The following DDA1 variants were observed in gnomAD, a reference collection of about 807,000 sequenced individuals.
The protein encoded by DDA1 is DET1- and DDB1-associated protein 1.
A neutral mutation model predicts 18.6 loss-of-function variants in DDA1; 3 were observed. The observed-to-expected ratio is 0.16, with a 90% confidence interval of 0.07 to 0.42. The LOEUF is 0.42. Ranked by LOEUF, DDA1 falls within the 10% of genes least tolerant of loss-of-function variation. The pLI, the probability that DDA1 is intolerant of heterozygous loss-of-function variation, is 0.99. For synonymous variants in DDA1, 52 were observed against 54.0 expected, an observed-to-expected ratio of 0.96 and a Z score of 0.17; for missense variants, 105 against 138.2, an observed-to-expected ratio of 0.76 and a Z score of 1.20.
chr19:17,313,872 T>C, intron 1 of DDA1, 151 bp from the exon 2 acceptor site: 1 of 645,910 alleles, frequency 1.5e-6, no homozygotes, highest in Non-Finnish European at 2.8e-6. Context: ...GTCCCGACAG[T>C]GTATCCAGCA....
In DDA1 at chr19:17,316,007, A is replaced by G. The variant is rs2145675921; in HGVS notation, c.198+12A>G. 6.2e-7 allele frequency: 1 copy of G among 1,614,058 alleles called. No individual in the cohort carries two copies. The highest frequency in any genetic ancestry group is 1.7e-5 in the Admixed American group (1 of 60,024). On this transcript the variant is annotated intron_variant, in intron 4 of 4. Coordinates refer to ENST00000359866, the MANE Select transcript of DDA1 (RefSeq NM_024050.6). ...AATGGGACAAAAAGGTGAGGCCCACAGGGCTCTGGTGCAGGGATTGTGGGT... is the reference window on the plus strand; with the variant it reads ...AATGGGACAAAAAGGTGAGGCCCACGGGGCTCTGGTGCAGGGATTGTGGGT...
intron 1 of DDA1, 103 bp downstream of exon 1, chr19:17,309,760 G>C: frequency 7.1e-7 from 1 of 1,415,430 alleles, no homozygotes; most frequent in Non-Finnish European, 9.5e-7. Flanking sequence ...CGTTCTGCCC[G>C]GTCCCCTCAG....
At chr19:17,310,755 G>A (rs990766196) in intron 1 of DDA1, among the ~76,000 whole-genome samples, 8 of 151,602 alleles carry the variant, frequency 5.3e-5, no homozygotes, top group African/African-American at 1.9e-4. Context: ...CCTTGGTACA[G>A]TCTCATCCCT....
At chr19:17,311,497 TAG>T (rs1358887206) in intron 1 of DDA1, among the ~76,000 whole-genome samples, 1 of 152,186 alleles carries the variant, frequency 6.6e-6, no homozygotes, top group Non-Finnish European at 1.5e-5. Flanking sequence ...TACCACTTTC[TAG>T]CCTATAAAAT....
At chr19:17,311,044 TGGG>T (rs2074176365) in intron 1 of DDA1, among the ~76,000 whole-genome samples, 1 of 152,086 alleles carries the variant, frequency 6.6e-6, no homozygotes, top group Non-Finnish European at 1.5e-5. Flanking sequence ...TTTGGAGAGA[TGGG>T]GATTCCCTAT....
intron 1 of DDA1, chr19:17,310,169 G>T (rs983454687): frequency 6.3e-6 from 1 of 157,886 alleles, no homozygotes; most frequent in East Asian, 1.9e-4. Context: ...GCCCTTACCC[G>T]CCTCTAAGAA....
At position 17,319,665 on chromosome 19, in the gene DDA1, A is replaced by G; in HGVS notation, c.*9A>G. ...TGCACGAGGACACTTAAGACTCTCA[A>G]CTCCACAGGCGCCTCCTGCCAGGTC... On this transcript the variant is annotated 3_prime_UTR_variant, in exon 5 of 5. Transcript: ENST00000359866. 2 of 1,555,778 alleles carry G rather than the reference A, an allele frequency of 1.3e-6. No individual in the cohort carries two copies. The highest frequency in any genetic ancestry group is 1.7e-6 in the Non-Finnish European group (2 of 1,149,488).
At chr19:17,309,769 A>G (rs2074169860) in intron 1 of DDA1, 112 bp downstream of exon 1, 1 of 1,378,412 alleles carries the variant, frequency 7.3e-7, no homozygotes, top group Admixed American at 2.4e-5. Context: ...CGGTCCCCTC[A>G]GGTCCGGCCC....
chr19:17,310,492 G>A (rs2074174149), intron 1 of DDA1, among the ~76,000 whole-genome samples: 1 of 152,140 alleles, frequency 6.6e-6, no homozygotes, highest in African/African-American at 2.4e-5. Flanking sequence ...AAGTGGGATG[G>A]TGACCCACCC....
chr19:17,309,813 G>T (rs943200353), intron 1 of DDA1, among the ~76,000 whole-genome samples, 156 bp downstream of exon 1: 74 of 151,266 alleles, frequency 4.9e-4, no homozygotes, highest in African/African-American at 1.7e-3. Context: ...TTCGACCCCC[G>T]GACCCTACCG....
rs1857398111 is a variant in DDA1 at position 17,315,194 on chromosome 19, CGTG to C, written c.137-739_137-737del. Reference sequence around the variant, plus strand: ...ATATACACACACGTGTATACACACACGTGTATACACACGTGTATATACACACAC... The same window carrying C: ...ATATACACACACGTGTATACACACACTATACACACGTGTATATACACACAC... On this transcript the variant is annotated intron_variant, in intron 3 of 4. Coordinates refer to ENST00000359866, the MANE Select transcript of DDA1 (RefSeq NM_024050.6). Among the ~76,000 whole-genome samples, 2 of 20,098 alleles carry C rather than the reference CGTG, an allele frequency of 1.0e-4. 1 individual carries two copies. The highest frequency in any genetic ancestry group is 1.0e-3 in the African/African-American group (2 of 1,916). The allele number at this position is 20,098 out of a possible 152,430, so 13.2% of individuals were successfully genotyped here.
intron 1 of DDA1, among the ~76,000 whole-genome samples, chr19:17,311,269 C>T (rs990036664): frequency 1.3e-5 from 2 of 151,708 alleles, no homozygotes; most frequent in East Asian, 1.9e-4. Context: ...GGGTTCAAGC[C>T]ATTCTCCTGC....
intron 1 of DDA1, among the ~76,000 whole-genome samples, chr19:17,310,424 T>G (rs916820316): frequency 2.0e-5 from 3 of 152,178 alleles, no homozygotes; most frequent in South Asian, 2.1e-4. Context: ...TCAGGGTTCC[T>G]CAGTCATCCT....
In DDA1 at chr19:17,319,981, C is replaced by T; in HGVS notation, c.*325C>T. ...TCCCCGATTCCTGCCCCCAGTTCTC[C>T]AGAGAACCAGAGTGTGTCTGTGAGA... On this transcript the variant is annotated 3_prime_UTR_variant, in exon 5 of 5. Transcript: ENST00000359866. 3.6e-6 allele frequency: 1 copy of T among 274,382 alleles called. No individual in the cohort carries two copies. The highest frequency in any genetic ancestry group is 7.1e-6 in the Non-Finnish European group (1 of 141,484). 17.0% of individuals were successfully genotyped at this position (274,382 alleles called of 1,614,324 possible).
chr19:17,319,017 T>G (rs2074227039), intron 4 of DDA1, among the ~76,000 whole-genome samples: 2 of 152,080 alleles, frequency 1.3e-5, no homozygotes, highest in African/African-American at 4.8e-5. Flanking sequence ...AGGCGTGTGC[T>G]TCTGTCTTGC....
chr19:17,315,181 G>GTA (rs200329171), intron 3 of DDA1, among the ~76,000 whole-genome samples: 2 of 33,030 alleles, frequency 6.1e-5, no homozygotes, highest in East Asian at 6.4e-4. Context: ...ATACACACAC[G>GTA]TGTATACACA....
At chr19:17,317,235 C>T (rs190534992) in intron 4 of DDA1, among the ~76,000 whole-genome samples, 11 of 151,580 alleles carry the variant, frequency 7.3e-5, no homozygotes, top group East Asian at 2.0e-4. Context: ...CTATACCGGG[C>T]GCGGTGGCTC....
chr19:17,317,000 G>A (rs1415546138), intron 4 of DDA1, among the ~76,000 whole-genome samples: 1 of 152,156 alleles, frequency 6.6e-6, no homozygotes, highest in South Asian at 2.1e-4. Context: ...GCCTACGCAG[G>A]CGGATCACGA....
Position 17,315,335 on chromosome 19 carries a change from GTA to G in DDA1, c.137-590_137-589del, listed in dbSNP as rs753902556. Among the ~76,000 whole-genome samples the G allele has an allele frequency of 8.2e-4, 33 of 40,358 alleles. 6 individuals are homozygous for G. Among genetic ancestry groups the G allele is most frequent in the African/African-American group, 2.3e-3 (23 of 10,010 alleles). The allele number at this position is 40,358 out of a possible 152,430, so 26.5% of individuals were successfully genotyped here. ...ATATACACGCTATATATATACACAC[GTA>G]TATATATACACGCTATATATATACG... is the stretch of plus-strand genomic sequence containing the variant. On this transcript the variant is annotated intron_variant, in intron 3 of 4. Transcript: ENST00000359866.
Sources: allele counts gnomAD v4.1 joint callset (sites outside exome capture counted in the v4.1 genomes callset), GRCh38; gene constraint gnomAD v4.1.1; transcripts MANE v1.5; gene names NCBI Gene and HGNC (gene_info 2026-07-23, HGNC 2026-07-21).